The following KAT6A variants were observed in gnomAD, a reference collection of about 807,000 sequenced individuals.
The protein encoded by KAT6A is lysine acetyltransferase 6A, also known as histone acetyltransferase KAT6A.
Under a neutral mutation model 198.4 loss-of-function variants are expected in KAT6A, and 9 were observed. That is an observed-to-expected ratio of 0.05 (90% confidence interval 0.03 to 0.08). The LOEUF is 0.08. Ranked by LOEUF, KAT6A falls within the 10% of genes least tolerant of loss-of-function variation. The pLI, the probability that KAT6A is intolerant of heterozygous loss-of-function variation, is 1.00. For synonymous variants in KAT6A, 890 were observed against 883.0 expected, an observed-to-expected ratio of 1.01 and a Z score of -0.14; for missense variants, 2,077 against 2,509.9, an observed-to-expected ratio of 0.83 and a Z score of 3.69.
At chr8:41,936,536 T>C (rs1821864195) in intron 16 of KAT6A, among the ~76,000 whole-genome samples, 1 of 152,228 alleles carries the variant, frequency 6.6e-6, no homozygotes, top group South Asian at 2.1e-4. Context: ...GGCAAAACTT[T>C]AGGCTAGGGT....
Position 41,934,160 on chromosome 8 carries a change from C to T in KAT6A, c.4060G>A (p.Ala1354Thr). 3.7e-6 allele frequency: 6 copies of T among 1,614,150 alleles called. No individual in the cohort carries two copies. The highest frequency in any genetic ancestry group is 5.1e-6 in the Non-Finnish European group (6 of 1,180,030). Reference protein sequence around the residue: ...EPGVQESFLDANMQKSREKIK... With the variant: ...EPGVQESFLDTNMQKSREKIK... ...TTTTCCCTACTCTTCTGCATATTAG[C>T]ATCTAAAAAAGACTCTTGAACACCA... The change falls in exon 17 of 17, where the codon GCT (alanine) becomes ACT (threonine). Residue 1354 changes from alanine (A) to threonine (T), a missense_variant. Around this residue, in one of 13 missense-constraint regions of KAT6A, gnomAD observed 375 missense variants for 383.0 expected, o/e 0.98. Transcript: ENST00000265713.
chr8:41,989,520 CAT>C (rs1491369366), intron 2 of KAT6A, among the ~76,000 whole-genome samples: 1 of 148,302 alleles, frequency 6.7e-6, no homozygotes, highest in Non-Finnish European at 1.5e-5. Flanking sequence ...GGAAAAATAA[CAT>C]AACGTAACGT....
intron 2 of KAT6A, among the ~76,000 whole-genome samples, chr8:42,038,387 C>T (rs1179149000): frequency 6.6e-6 from 1 of 152,192 alleles, no homozygotes; most frequent in African/African-American, 2.4e-5. Flanking sequence ...TATTTTCACA[C>T]ACTGAAATAG....
chr8:42,038,262 C>T (rs551472181), intron 2 of KAT6A, among the ~76,000 whole-genome samples: 1 of 152,236 alleles, frequency 6.6e-6, no homozygotes, highest in Admixed American at 6.5e-5. Flanking sequence ...TCAACATGTT[C>T]CCCTTCTAAT....
At chr8:42,049,455 T>C (rs1280581851) in intron 1 of KAT6A, 153 bp from the exon 2 acceptor site, 1 of 176,968 alleles carries the variant, frequency 5.7e-6, no homozygotes, top group Admixed American at 6.3e-5. Context: ...AACAATCATG[T>C]ATGTAAACCA....
Position 42,024,075 on chromosome 8 carries a change from TAAG to T in KAT6A, c.600+24300_600+24302del, listed in dbSNP as rs1363178133. 2.0e-5 allele frequency among the ~76,000 whole-genome samples: 3 copies of T among 152,228 alleles called. No individual in the cohort carries two copies. The East Asian group carries it at 5.8e-4, about 29-fold the overall frequency. On this transcript the variant is annotated intron_variant, in intron 2 of 16. Coordinates refer to ENST00000265713, the MANE Select transcript of KAT6A (RefSeq NM_006766.5). Reference sequence around the variant, plus strand: ...CTGTTTTACCGTAAACTCTTTTTAATAAGAAGGAGTACACTCTAAAATAATGAT... The same window carrying T: ...CTGTTTTACCGTAAACTCTTTTTAATAAGGAGTACACTCTAAAATAATGAT...
In KAT6A at chr8:41,942,996, C is replaced by A. The variant is rs770214879; in HGVS notation, c.2233G>T (p.Val745Leu). Residue 745 changes from valine (V) to leucine (L), a missense_variant, in exon 14 of 17, where the codon GTG becomes TTG. Val to Leu is a conservative substitution (Grantham distance 32). This residue lies in a region of KAT6A where 127 missense variants were observed against 209.6 expected (regional missense o/e 0.61). Coordinates refer to ENST00000265713, the MANE Select transcript of KAT6A (RefSeq NM_006766.5). ...ATAAGTTTTTCCCGGCGGATAATCA[C>A]AAATCTGGAACCAGAGAAAAGTTTA... ...RMLDFRSDQF[V>L]IIRREKLIQD... 1 of 1,613,862 alleles carries A rather than the reference C, an allele frequency of 6.2e-7. No individual in the cohort carries two copies. The highest frequency in any genetic ancestry group is 1.3e-5 in the African/African-American group (1 of 74,900).
intron 12 of KAT6A, among the ~76,000 whole-genome samples, chr8:41,946,295 G>T (rs1216813024): frequency 6.6e-6 from 1 of 151,978 alleles, no homozygotes; most frequent in African/African-American, 2.4e-5. Flanking sequence ...TAGAGACAGG[G>T]TCTTGCCATG....
intron 2 of KAT6A, among the ~76,000 whole-genome samples, chr8:42,024,767 CTT>C (rs1412399037): frequency 6.6e-6 from 1 of 152,114 alleles, no homozygotes; most frequent in Non-Finnish European, 1.5e-5. Context: ...GAGTTTCATT[CTT>C]TTTTGATAGC....
intron 2 of KAT6A, among the ~76,000 whole-genome samples, chr8:42,044,460 A>G (rs777078240): frequency 7.9e-5 from 12 of 152,138 alleles, no homozygotes; most frequent in Non-Finnish European, 1.6e-4. Flanking sequence ...ATGTGAAAAG[A>G]ACACACTAAA....
chr8:41,963,698 T>C (rs1823319987), intron 8 of KAT6A, among the ~76,000 whole-genome samples: 1 of 152,212 alleles, frequency 6.6e-6, no homozygotes, highest in African/African-American at 2.4e-5. Context: ...ACAAATATGA[T>C]GTCATCCACT....
intron 8 of KAT6A, 69 bp from the exon 9 acceptor site, chr8:41,955,480 G>C: frequency 1.0e-6 from 1 of 965,504 alleles, no homozygotes; most frequent in Admixed American, 2.2e-5. Flanking sequence ...AGAAAGTTCT[G>C]AATCTAAATG....
rs1821435127 is a variant in KAT6A at position 41,929,800 on chromosome 8, TAA to T, written c.*2403_*2404del. On this transcript the variant is annotated 3_prime_UTR_variant, in exon 17 of 17. Coordinates refer to ENST00000265713, the MANE Select transcript of KAT6A (RefSeq NM_006766.5). ...TATTCACACACGCTAGAGATCTCTT[TAA>T]AGAGAATTTATCTTTCTTAAAATAG... 1.0e-5 allele frequency: 2 copies of T among 194,658 alleles called. No individual in the cohort carries two copies. Among genetic ancestry groups the T allele is most frequent in the African/African-American group, 4.6e-5 (2 of 43,282 alleles). 12.1% of individuals were successfully genotyped at this position (194,658 alleles called of 1,614,324 possible).
At chr8:42,013,053 A>AT (rs1244207403) in intron 2 of KAT6A, among the ~76,000 whole-genome samples, 2 of 151,728 alleles carry the variant, frequency 1.3e-5, no homozygotes, top group African/African-American at 4.8e-5. Context: ...GGGGAGGGTG[A>AT]TGACTACAAA....
At chr8:41,960,852 C>A (rs1009415933) in intron 8 of KAT6A, among the ~76,000 whole-genome samples, 1 of 152,154 alleles carries the variant, frequency 6.6e-6, no homozygotes, top group African/African-American at 2.4e-5. Flanking sequence ...AGGTCTTTTT[C>A]CCTGTAATTC....
rs925563688 is a variant in KAT6A at position 41,987,365 on chromosome 8, A to G, written c.709+90T>C. ...AAAGATGTATGACTGTATTAATCTC[A>G]TAAGGATCAAGGATACAAACTCAAG... On this transcript the variant is annotated intron_variant, in intron 3 of 16. Coordinates refer to ENST00000265713, the MANE Select transcript of KAT6A (RefSeq NM_006766.5). 1.7e-5 allele frequency: 13 copies of G among 755,900 alleles called. 1 individual carries two copies. The highest frequency in any genetic ancestry group is 2.1e-5 in the Admixed American group (1 of 48,298). The allele number at this position is 755,900 out of a possible 1,614,324, so 46.8% of individuals were successfully genotyped here. A position where few individuals can be genotyped will look rare whatever the true frequency, so the allele number is the denominator to read the frequency against.
intron 2 of KAT6A, among the ~76,000 whole-genome samples, chr8:42,032,589 TTTTA>T (rs1827183405): frequency 6.6e-6 from 1 of 152,186 alleles, no homozygotes; most frequent in Non-Finnish European, 1.5e-5. Context: ...AAAGGTGAGT[TTTTA>T]TTTTACTAAA....
chr8:42,001,505 C>A (rs1304574059), intron 2 of KAT6A, among the ~76,000 whole-genome samples: 1 of 152,162 alleles, frequency 6.6e-6, no homozygotes, highest in Non-Finnish European at 1.5e-5. Context: ...AGACTACATT[C>A]TAAAATTTTT....
Position 41,980,840 on chromosome 8 carries a change from T to C in KAT6A, c.907+6A>G. On this transcript the variant is annotated splice_donor_region_variant and intron_variant, in intron 5 of 16. Transcript: ENST00000265713. The stretch of plus-strand genomic sequence containing the variant: ...TCCCAGTTTTATTTCAGAAAGTATT[T>C]CTCACCTTTTGGCATACGGGTGAGT... 6.3e-7 allele frequency: 1 copy of C among 1,599,892 alleles called. No individual in the cohort carries two copies. Among genetic ancestry groups the C allele is most frequent in the Non-Finnish European group, 8.6e-7 (1 of 1,167,134 alleles).
Sources: gnomAD v4.1 joint callset for allele counts (sites outside exome capture counted in the v4.1 genomes callset) on GRCh38, gnomAD v4.1.1 for gene constraint, gnomAD v4.1.1 regional missense constraint, MANE v1.5 for transcripts, NCBI Gene and HGNC (gene_info 2026-07-23, HGNC 2026-07-21) for gene names.